RAB3GAP2: variants seen among roughly 807,000 people sequenced by gnomAD.
RAB3GAP2 encodes rab3 GTPase-activating protein non-catalytic subunit.
Under a neutral mutation model 185.3 loss-of-function variants are expected in RAB3GAP2, and 87 were observed. The ratio of observed to expected loss-of-function variants is 0.47; its 90% CI spans 0.39 to 0.56. The LOEUF (loss-of-function observed/expected upper bound fraction) is 0.56, where lower values mean the gene tolerates loss of function less well. Among genes scored for constraint, RAB3GAP2 ranks in the 20% least tolerant of loss-of-function variants. RAB3GAP2 has a pLI of 0.00. For missense variants in RAB3GAP2, 1,492 were observed against 1,638.2 expected (o/e 0.91, Z 1.54); for synonymous variants, 554 against 576.1 (o/e 0.96, Z 0.55).
At chr1:220,196,638 C>A (rs1222548640) in intron 9 of RAB3GAP2, among the ~76,000 whole-genome samples, 1 of 151,906 alleles carries the variant, frequency 6.6e-6, no homozygotes, top group Non-Finnish European at 1.5e-5. Flanking sequence ...TGAAATCAGC[C>A]TGGCCAACAT....
chr1:220,221,632 GT>G (rs1216494352), intron 2 of RAB3GAP2, among the ~76,000 whole-genome samples: 2 of 152,110 alleles, frequency 1.3e-5, no homozygotes, highest in African/African-American at 4.8e-5. Context: ...ATTAAGACCA[GT>G]AAAAAAGTTT....
rs1224880290 is a variant in RAB3GAP2 at position 220,212,949 on chromosome 1, A to C, written c.324T>G (p.Asp108Glu). 2 of 1,612,332 alleles carry C rather than the reference A, an allele frequency of 1.2e-6. No homozygotes were observed. Among genetic ancestry groups the C allele is most frequent in the East Asian group, 4.5e-5 (2 of 44,824 alleles). ...CAAATTGCATTTCTTCCTTTCCTTT[A>C]TCACTATATTTCCATTTTGCTGTAA... ...VFLVPKWKYS[D>E]KGKEEMQFAV... Residue 108 changes from aspartate (D) to glutamate (E), a missense_variant, in exon 4 of 35, where the codon GAT becomes GAG. Physicochemically the swap from Asp to Glu is conservative, Grantham distance 45. Transcript: ENST00000358951.
At position 220,196,360 on chromosome 1, in the gene RAB3GAP2, C is replaced by T. The variant is rs1376254312; in HGVS notation, c.850G>A (p.Ala284Thr). The change falls in exon 10 of 35, where the codon GCC becomes ACC. Residue 284 changes from alanine (A) to threonine (T), a missense_variant. Ala to Thr is a moderately conservative substitution (Grantham distance 58, BLOSUM62 0). Around this residue, in one of 5 missense-constraint regions of RAB3GAP2, gnomAD observed 243 missense variants for 314.8 expected, o/e 0.77. Coordinates refer to ENST00000358951, the MANE Select transcript of RAB3GAP2 (RefSeq NM_012414.4). ...TLSPFDQMKT[A>T]SNIGGFNAAI... is the part of the protein sequence containing the mutation. ...GCATTAAATCCACCTATATTGGAGG[C>T]AGTCTTCATTTGATCAAAGGGGGAC... is the stretch of plus-strand genomic sequence containing the variant. 13 of 1,605,982 alleles carry T rather than the reference C, an allele frequency of 8.1e-6. No individual in the cohort carries two copies. The highest frequency in any genetic ancestry group is 1.1e-5 in the Non-Finnish European group (13 of 1,173,352).
At chr1:220,245,076 C>T (rs1341937723) in intron 1 of RAB3GAP2, among the ~76,000 whole-genome samples, 2 of 151,698 alleles carry the variant, frequency 1.3e-5, no homozygotes, top group Non-Finnish European at 1.5e-5. Context: ...ATGCATCTGT[C>T]AAAGGACTAG....
intron 2 of RAB3GAP2, among the ~76,000 whole-genome samples, chr1:220,222,459 T>G (rs1199587257): frequency 6.6e-6 from 1 of 152,148 alleles, no homozygotes; most frequent in African/African-American, 2.4e-5. Context: ...AATTCTCAAA[T>G]GAAAGATCCT....
At chr1:220,247,347 C>T (rs749351782) in intron 1 of RAB3GAP2, among the ~76,000 whole-genome samples, 1 of 152,106 alleles carries the variant, frequency 6.6e-6, no homozygotes, top group Non-Finnish European at 1.5e-5. Flanking sequence ...AGATATGGAA[C>T]CAACCTAAGT....
rs11800767 is a variant in RAB3GAP2, at chr1:220,233,177, C to T, written c.116-314G>A. 2.4e-3 allele frequency among the ~76,000 whole-genome samples: 362 copies of T among 152,128 alleles called. 1 individual carries two copies. Among genetic ancestry groups the T allele is most frequent in the African/African-American group, 8.1e-3 (338 of 41,506 alleles). On this transcript the variant is annotated intron_variant, in intron 1 of 34. Coordinates refer to ENST00000358951, the MANE Select transcript of RAB3GAP2 (RefSeq NM_012414.4). ...CATTCAAATCAAGCTGCAAAGGTGA[C>T]GTTTTAAAAATCTAAAAATGACAAA...
chr1:220,182,653 A>C, intron 20 of RAB3GAP2, 65 bp downstream of exon 20: 4 of 1,305,468 alleles, frequency 3.1e-6, no homozygotes, highest in Non-Finnish European at 4.2e-6. Context: ...GAGATGCTAT[A>C]TGTTCCTACC....
At chr1:220,176,648 C>T (rs1036583750) in intron 21 of RAB3GAP2, among the ~76,000 whole-genome samples, 10 of 152,178 alleles carry the variant, frequency 6.6e-5, no homozygotes, top group African/African-American at 2.4e-4. Flanking sequence ...GAGGTCCCAG[C>T]TCAGAGTTGC....
intron 3 of RAB3GAP2, 104 bp downstream of exon 3, chr1:220,213,752 G>C (rs894353908): frequency 1.1e-5 from 13 of 1,145,994 alleles, no homozygotes; most frequent in African/African-American, 1.6e-5. Flanking sequence ...GGGAGAGAGA[G>C]AGAAATAAAT....
intron 21 of RAB3GAP2, among the ~76,000 whole-genome samples, chr1:220,180,763 A>C (rs565643462): frequency 2.0e-5 from 3 of 152,224 alleles, no homozygotes; most frequent in Non-Finnish European, 2.9e-5. Flanking sequence ...CCAAAACCAG[A>C]CACATACATA....
At chr1:220,159,526 C>A (rs766181057) in intron 28 of RAB3GAP2, 105 bp from the exon 29 acceptor site, 1 of 846,436 alleles carries the variant, frequency 1.2e-6, no homozygotes. Flanking sequence ...CCGTAAATGG[C>A]GCTATAAGTA....
intron 1 of RAB3GAP2, among the ~76,000 whole-genome samples, chr1:220,271,722 C>T (rs980743739): frequency 1.3e-5 from 2 of 151,858 alleles, no homozygotes; most frequent in African/African-American, 4.8e-5. Flanking sequence ...ATGATCAACA[C>T]TTTCGGAATG....
At chr1:220,253,105 C>T (rs902032221) in intron 1 of RAB3GAP2, among the ~76,000 whole-genome samples, 3 of 152,138 alleles carry the variant, frequency 2.0e-5, no homozygotes, top group African/African-American at 7.2e-5. Context: ...AGACAGTTTA[C>T]GAGGAAGGTT....
At chr1:220,185,887 C>A (rs1168052496) in intron 17 of RAB3GAP2, 146 bp from the exon 18 acceptor site, 2 of 640,810 alleles carry the variant, frequency 3.1e-6, no homozygotes, top group Non-Finnish European at 5.4e-6. Flanking sequence ...TATATTAAAT[C>A]TCAAGTTGCG....
intron 1 of RAB3GAP2, among the ~76,000 whole-genome samples, chr1:220,233,501 T>C (rs1027482187): frequency 1.3e-5 from 2 of 152,174 alleles, no homozygotes; most frequent in African/African-American, 2.4e-5. Flanking sequence ...TCCAGGTGAC[T>C]GGTTTTTACA....
intron 27 of RAB3GAP2, among the ~76,000 whole-genome samples, chr1:220,163,179 T>G (rs974772748): frequency 6.6e-6 from 1 of 152,016 alleles, no homozygotes; most frequent in Non-Finnish European, 1.5e-5. Flanking sequence ...TCTGAAACAG[T>G]TGTCAATTAG....
Position 220,170,932 on chromosome 1 carries a change from A to C in RAB3GAP2, c.2766T>G (p.Leu922=). Residue 922 remains leucine (L), a synonymous_variant, in exon 24 of 35, where the codon CTT becomes CTG. Transcript: ENST00000358951. ...SKVSSLQAEP[L]PRLSVKKLLE... ...ATAACTTTTTAACAGAAAGCCTTGG[A>C]AGTGGCTCAGCCTGCAGTGATGACA... 6.2e-7 allele frequency: 1 copy of C among 1,614,126 alleles called. No individual in the cohort carries two copies. The highest frequency in any genetic ancestry group is 1.1e-5 in the South Asian group (1 of 91,072).
chr1:220,235,522 G>T lies in RAB3GAP2; in HGVS notation c.116-2659C>A, dbSNP rs1032201147. On this transcript the variant is annotated intron_variant, in intron 1 of 34. Transcript: ENST00000358951. ...TCTCGAAAAGACCATGCAGAATTTA[G>T]ACTCTTCAGGAAGGCTGTAATCATT... is the stretch of plus-strand genomic sequence containing the variant. Among the ~76,000 whole-genome samples the T allele has an allele frequency of 2.0e-5, 3 of 152,256 alleles. 1 individual carries two copies. The highest frequency in any genetic ancestry group is 4.1e-4 in the South Asian group (2 of 4,828).
Sources: allele counts gnomAD v4.1 joint callset (sites outside exome capture counted in the v4.1 genomes callset), GRCh38; gene constraint gnomAD v4.1.1; regional missense constraint gnomAD v4.1.1; transcripts MANE v1.5; gene names NCBI Gene and HGNC (gene_info 2026-07-23, HGNC 2026-07-21).